Variants in C8orf89 observed in about 807,000 individuals in gnomAD.
C8orf89 encodes chromosome 8 open reading frame 89.
C8orf89 carries 14 observed loss-of-function variants against 15.8 expected under a neutral mutation model. That is an observed-to-expected ratio of 0.89 (90% CI 0.59 to 1.39). The LOEUF (loss-of-function observed/expected upper bound fraction) is 1.39, where lower values mean the gene tolerates loss of function less well. Ranked by LOEUF, C8orf89 falls within the 40% of genes most tolerant of loss-of-function variation. C8orf89 has a pLI of 0.00. For synonymous variants in C8orf89, 55 were observed against 62.2 expected (o/e 0.88, Z 0.54); for missense variants, 181 against 184.5 (o/e 0.98, Z 0.11).
chr8:73,258,025 T>C (rs1813439326), intron 1 of C8orf89, among the ~76,000 whole-genome samples: 2 of 152,136 alleles, frequency 1.3e-5, no homozygotes. Flanking sequence ...GTACCTTTAA[T>C]GGAAACCTGG....
intron 3 of C8orf89, among the ~76,000 whole-genome samples, chr8:73,241,826 T>G (rs1286723700): frequency 6.6e-6 from 1 of 151,556 alleles, no homozygotes; most frequent in Non-Finnish European, 1.5e-5. Flanking sequence ...AATCTATACA[T>G]CTATAGTGGA....
At chr8:73,254,668 G>T (rs967708787) in intron 2 of C8orf89, among the ~76,000 whole-genome samples, 27 of 152,168 alleles carry the variant, frequency 1.8e-4, no homozygotes, top group African/African-American at 6.5e-4. Context: ...TCTCATCCTA[G>T]GCCCTCCCAC....
At position 73,257,150 on chromosome 8, in the gene C8orf89, A is replaced by G. The variant is rs555607402; in HGVS notation, c.128-24T>C. On this transcript the variant is annotated intron_variant, in intron 1 of 3. Transcript: ENST00000624510. Reference sequence around the variant, plus strand: ...TTCTGGTTAAAAATATATAAGAATCATCTTGATTAAATGCATACTACTTGT... The same window carrying G: ...TTCTGGTTAAAAATATATAAGAATCGTCTTGATTAAATGCATACTACTTGT... The G allele has an allele frequency of 7.8e-4, 1,145 of 1,468,122 alleles. 3 individuals carry two copies. Among genetic ancestry groups the G allele is most frequent in the Non-Finnish European group, 8.2e-4 (894 of 1,096,770 alleles). The allele number at this position is 1,468,122 out of a possible 1,614,324, so 90.9% of individuals were successfully genotyped here. A position where few individuals can be genotyped will look rare whatever the true frequency, so the allele number is the denominator to read the frequency against.
chr8:73,263,079 T>TA (rs1406552563), upstream of C8orf89, among the ~76,000 whole-genome samples: 1 of 152,054 alleles, frequency 6.6e-6, no homozygotes, highest in Non-Finnish European at 1.5e-5. Flanking sequence ...GGCAACCAAT[T>TA]AAAAAATCAC....
the C8orf89 span, among the ~76,000 whole-genome samples, chr8:73,281,061 AC>A: frequency 1.3e-5 from 2 of 152,120 alleles, no homozygotes; most frequent in Admixed American, 1.3e-4. Context: ...CTAGTAATAT[AC>A]ATGTCCTTAT....
At chr8:73,241,740 C>A in intron 3 of C8orf89, 135 bp from the exon 4 acceptor site, 1 of 600,022 alleles carries the variant, frequency 1.7e-6, no homozygotes, top group Non-Finnish European at 2.5e-6. Flanking sequence ...TACTACAGAG[C>A]TATACTAACC....
At chr8:73,249,513 T>G (rs1421668802) in intron 3 of C8orf89, among the ~76,000 whole-genome samples, 1 of 152,180 alleles carries the variant, frequency 6.6e-6, no homozygotes, top group Non-Finnish European at 1.5e-5. Context: ...TTTTTGTACA[T>G]CTGGTAGAAT....
the C8orf89 span, among the ~76,000 whole-genome samples, chr8:73,274,240 G>T: frequency 6.6e-6 from 1 of 151,848 alleles, no homozygotes; most frequent in Non-Finnish European, 1.5e-5. Flanking sequence ...TGTAAGCTCC[G>T]CCTCCCGGGT....
At chr8:73,243,465 CACG>C (rs1813053183) in intron 3 of C8orf89, among the ~76,000 whole-genome samples, 1 of 152,038 alleles carries the variant, frequency 6.6e-6, no homozygotes, top group South Asian at 2.1e-4. Context: ...ATTAAAAAAA[CACG>C]ACTAGTTTTT....
chr8:73,283,985 T>A, the C8orf89 span, among the ~76,000 whole-genome samples: 6 of 148,070 alleles, frequency 4.1e-5, 1 homozygote, highest in Admixed American at 1.4e-4. Flanking sequence ...GAGGTTGCAG[T>A]AAGCCAGGAC....
At chr8:73,281,144 T>A in the C8orf89 span, among the ~76,000 whole-genome samples, 1 of 152,052 alleles carries the variant, frequency 6.6e-6, no homozygotes, top group Non-Finnish European at 1.5e-5. Context: ...ACTGGCCAGG[T>A]GTGGTGGCTC....
At chr8:73,265,232 A>G in the C8orf89 span, among the ~76,000 whole-genome samples, 1,219 of 152,318 alleles carry the variant, frequency 8.0e-3, 12 homozygotes, top group African/African-American at 0.028. Context: ...TGTGGCTTTC[A>G]GAAATTTTTA....
At chr8:73,249,055 G>A (rs1490299736) in intron 3 of C8orf89, among the ~76,000 whole-genome samples, 3 of 152,132 alleles carry the variant, frequency 2.0e-5, no homozygotes, top group Non-Finnish European at 4.4e-5. Flanking sequence ...TGTTGGCTGT[G>A]GGTTTGTCAT....
rs1157507071 is a variant in C8orf89 at position 73,259,320 on chromosome 8, CA to C, written c.127+11del. On this transcript the variant is annotated intron_variant, in intron 1 of 3. Coordinates refer to ENST00000624510, the MANE Select transcript of C8orf89 (RefSeq NM_001243237.3). ...TATGTTTTCTTAAGGAAAATAATAA[CA>C]ATAAAGTTACCTTTCTTAATCTTTT... 1.4e-6 allele frequency: 2 copies of C among 1,464,736 alleles called. No individual in the cohort carries two copies. Among genetic ancestry groups the C allele is most frequent in the South Asian group, 2.6e-5 (2 of 77,020 alleles). 90.7% of individuals were successfully genotyped at this position (1,464,736 alleles called of 1,614,324 possible).
At chr8:73,251,708 A>C (rs35596162) in intron 2 of C8orf89, among the ~76,000 whole-genome samples, 9,339 of 152,300 alleles carry the variant, frequency 0.061, 314 homozygotes, top group South Asian at 0.081. Context: ...AATGAGAAGC[A>C]AAATAAAGAC....
At chr8:73,277,598 A>C in the C8orf89 span, 2 of 761,868 alleles carry the variant, frequency 2.6e-6, no homozygotes, top group Non-Finnish European at 4.9e-6. Flanking sequence ...AATCCCATAA[A>C]CATCATCTTC....
the C8orf89 span, among the ~76,000 whole-genome samples, chr8:73,274,298 C>A: frequency 6.6e-6 from 1 of 152,050 alleles, no homozygotes; most frequent in African/African-American, 2.4e-5. Flanking sequence ...ACTACAGGCA[C>A]CCGCCACCAC....
At chr8:73,244,368 T>C (rs1267444773) in intron 3 of C8orf89, among the ~76,000 whole-genome samples, 5 of 152,202 alleles carry the variant, frequency 3.3e-5, no homozygotes, top group Admixed American at 3.3e-4. Context: ...TGAGTGCATA[T>C]ACTTAGTAAC....
At chr8:73,273,365 C>T in the C8orf89 span, among the ~76,000 whole-genome samples, 53,249 of 152,098 alleles carry the variant, frequency 0.35, 9,721 homozygotes, top group South Asian at 0.54. Context: ...GCTCCCAGTG[C>T]CCACTCTGAT....
Sources: allele counts gnomAD v4.1 joint callset (sites outside exome capture counted in the v4.1 genomes callset), GRCh38; gene constraint gnomAD v4.1.1; transcripts MANE v1.5; gene names NCBI Gene and HGNC (gene_info 2026-07-23, HGNC 2026-07-21).